The following PDS5B variants were observed in gnomAD, a reference collection of about 807,000 sequenced individuals.
PDS5B encodes sister chromatid cohesion protein PDS5 homolog B.
Under a neutral mutation model 184.1 loss-of-function variants are expected in PDS5B, and 51 were observed. The ratio of observed to expected loss-of-function variants is 0.28; its 90% CI spans 0.22 to 0.35. PDS5B has a LOEUF of 0.35. PDS5B is among the 10% of genes least tolerant of loss of function. PDS5B has a pLI of 1.00. For missense variants in PDS5B, 1,180 were observed against 1,723.3 expected (o/e 0.68, Z 5.58); for synonymous variants, 566 against 569.2 (o/e 0.99, Z 0.08).
At position 32,688,542 on chromosome 13, in the gene PDS5B, A is replaced by T; in HGVS notation, c.1442A>T (p.Tyr481Phe). The change falls in exon 13 of 35, where the codon TAT becomes TTT. Residue 481 changes from tyrosine to phenylalanine, a missense_variant. Coordinates refer to ENST00000315596, the MANE Select transcript of PDS5B (RefSeq NM_015032.4). ...CGGATGAAATGCTTATATTACTTGT[A>T]TGCCACACTGGATTTAAATGCTGTG... is the stretch of plus-strand genomic sequence containing the variant. ...TERMKCLYYL[Y>F]ATLDLNAVKA... 6.3e-7 allele frequency: 1 copy of T among 1,592,908 alleles called. No individual in the cohort carries two copies. The highest frequency in any genetic ancestry group is 8.6e-7 in the Non-Finnish European group (1 of 1,161,016).
Position 32,775,934 on chromosome 13 carries a change from G to A in PDS5B, c.*882G>A, listed in dbSNP as rs538463377. On this transcript the variant is annotated 3_prime_UTR_variant, in exon 35 of 35. Transcript: ENST00000315596. ...TTTTAATAGTCTAGAATGTTATTGTGTATAGATATTTCCTCTTGAACGTTA... is the reference window on the plus strand; with the variant it reads ...TTTTAATAGTCTAGAATGTTATTGTATATAGATATTTCCTCTTGAACGTTA... 1 of 217,000 alleles carries A rather than the reference G, an allele frequency of 4.6e-6. No individual in the cohort carries two copies. Among genetic ancestry groups the A allele is most frequent in the Non-Finnish European group, 9.5e-6 (1 of 105,808 alleles). The allele number at this position is 217,000 out of a possible 1,614,324, so 13.4% of individuals were successfully genotyped here.
intron 30 of PDS5B, among the ~76,000 whole-genome samples, chr13:32,762,637 C>T (rs1050866772): frequency 6.6e-6 from 1 of 152,096 alleles, no homozygotes; most frequent in South Asian, 2.1e-4. Context: ...ATCTAATTCA[C>T]CCAGGCAGAA....
At position 32,726,523 on chromosome 13, in the gene PDS5B, C is replaced by T. The variant is rs115723039; in HGVS notation, c.2124-5578C>T. The stretch of plus-strand genomic sequence containing the variant: ...ACTGTGTTCCTATCCATAATGGTTA[C>T]ACCACTTTGCATTCTCACTAGCAGT... On this transcript the variant is annotated intron_variant, in intron 19 of 34. Coordinates refer to ENST00000315596, the MANE Select transcript of PDS5B (RefSeq NM_015032.4). Among the ~76,000 whole-genome samples, 937 of 152,298 alleles carry T rather than the reference C, an allele frequency of 6.2e-3. 17 individuals carry two copies. The highest frequency in any genetic ancestry group is 0.022 in the African/African-American group (904 of 41,558).
intron 1 of PDS5B, among the ~76,000 whole-genome samples, chr13:32,591,176 T>A (rs1473472422): frequency 6.6e-6 from 1 of 152,094 alleles, no homozygotes; most frequent in African/African-American, 2.4e-5. Context: ...TTGCCCAGAC[T>A]GGAGTGCAGT....
At chr13:32,586,859 C>T (rs1380831920) in intron 1 of PDS5B, among the ~76,000 whole-genome samples, 8 of 131,540 alleles carry the variant, frequency 6.1e-5, no homozygotes, top group African/African-American at 2.2e-4. Flanking sequence ...CGCGCCTCCA[C>T]GCCGCGGGTT....
chr13:32,614,131 C>G (rs2140516826), intron 1 of PDS5B, among the ~76,000 whole-genome samples: 1 of 152,078 alleles, frequency 6.6e-6, no homozygotes, highest in Non-Finnish European at 1.5e-5. Flanking sequence ...GTTAATGTAG[C>G]TTTGGGGTAA....
chr13:32,592,622 G>A (rs1286135611), intron 1 of PDS5B, among the ~76,000 whole-genome samples: 2 of 152,040 alleles, frequency 1.3e-5, no homozygotes, highest in Non-Finnish European at 2.9e-5. Flanking sequence ...TTCAGCTTTC[G>A]ACTCTCCTAG....
Position 32,775,369 on chromosome 13 carries a change from CG to C in PDS5B, c.*319del. Reference sequence around the variant, plus strand: ...GAAGTGCTTGTATAGCTTTTATCTGCGGCTTTAAACTGACAGTACCCGACTG... The same window carrying C: ...GAAGTGCTTGTATAGCTTTTATCTGCGCTTTAAACTGACAGTACCCGACTG... On this transcript the variant is annotated 3_prime_UTR_variant, in exon 35 of 35. Coordinates refer to ENST00000315596, the MANE Select transcript of PDS5B (RefSeq NM_015032.4). 3.0e-6 allele frequency: 1 copy of C among 333,148 alleles called. No individual in the cohort carries two copies. Among genetic ancestry groups the C allele is most frequent in the Non-Finnish European group, 5.6e-6 (1 of 178,664 alleles). 20.6% of individuals were successfully genotyped at this position (333,148 alleles called of 1,614,324 possible). A position where few individuals can be genotyped will look rare whatever the true frequency, so the allele number is the denominator to read the frequency against.
chr13:32,719,630 GTCTC>G (rs1181655190), intron 19 of PDS5B, among the ~76,000 whole-genome samples: 1 of 152,138 alleles, frequency 6.6e-6, no homozygotes, highest in South Asian at 2.1e-4. Flanking sequence ...GACAGGCTAA[GTCTC>G]TCTGCCCTTT....
chr13:32,695,290 C>CT (rs935234491), intron 14 of PDS5B, among the ~76,000 whole-genome samples: 5 of 151,740 alleles, frequency 3.3e-5, no homozygotes, highest in Admixed American at 1.3e-4. Context: ...TGAACATAAC[C>CT]TTTTTTCTGT....
intron 1 of PDS5B, among the ~76,000 whole-genome samples, chr13:32,609,741 TC>T (rs1436247620): frequency 5.9e-5 from 9 of 152,314 alleles, no homozygotes; most frequent in African/African-American, 1.9e-4. Context: ...AGTTCTGTAA[TC>T]TTCATCTTTT....
At chr13:32,647,715 G>C (rs569888729) in intron 1 of PDS5B, among the ~76,000 whole-genome samples, 5 of 151,718 alleles carry the variant, frequency 3.3e-5, no homozygotes, top group Non-Finnish European at 5.9e-5. Context: ...TTTGTTTCCT[G>C]TAGATATTTT....
intron 1 of PDS5B, among the ~76,000 whole-genome samples, chr13:32,597,278 A>T (rs560917451): frequency 6.6e-6 from 1 of 151,776 alleles, no homozygotes; most frequent in South Asian, 2.1e-4. Context: ...CCTAGGCTCA[A>T]GTGATCTTCC....
At chr13:32,715,282 A>G (rs1952341756) in intron 19 of PDS5B, among the ~76,000 whole-genome samples, 1 of 152,204 alleles carries the variant, frequency 6.6e-6, no homozygotes, top group African/African-American at 2.4e-5. Flanking sequence ...GGGCAAATGA[A>G]GGATATTCTT....
At position 32,623,962 on chromosome 13, in the gene PDS5B, C is replaced by T. The variant is rs564029083; in HGVS notation, c.-19-24792C>T. On this transcript the variant is annotated intron_variant, in intron 1 of 34. Coordinates refer to ENST00000315596, the MANE Select transcript of PDS5B (RefSeq NM_015032.4). ...GAGTAGCTGGGAAGACAGGCGTGTG[C>T]CACCACGCCCAGCTAATTTTTGTAT... 1.1e-4 allele frequency among the ~76,000 whole-genome samples: 17 copies of T among 152,158 alleles called. No homozygotes were observed. The South Asian group carries it at 3.5e-3, about 32-fold the overall frequency.
In PDS5B at chr13:32,770,584, G is replaced by A. The variant is rs578011688; in HGVS notation, c.4064+24G>A. 3.4e-5 allele frequency: 55 copies of A among 1,600,864 alleles called. 1 individual carries two copies. The South Asian group carries it at 5.1e-4, about 15-fold the overall frequency. Reference sequence around the variant, plus strand: ...AGGTAAGCATGTGTAACTCTAAACTGCATCTGTTTCGTTACTATATTATAA... The same window carrying A: ...AGGTAAGCATGTGTAACTCTAAACTACATCTGTTTCGTTACTATATTATAA... On this transcript the variant is annotated intron_variant, in intron 32 of 34. Transcript: ENST00000315596.
intron 21 of PDS5B, among the ~76,000 whole-genome samples, chr13:32,740,792 T>G (rs764131500): frequency 6.6e-6 from 1 of 152,020 alleles, no homozygotes; most frequent in Non-Finnish European, 1.5e-5. Flanking sequence ...CAAAAGGGGC[T>G]AAATAAGGGA....
At position 32,655,376 on chromosome 13, in the gene PDS5B, T is replaced by TATA. The variant is rs1566290689; in HGVS notation, c.313-2863_313-2862insATA. 2.9e-3 allele frequency among the ~76,000 whole-genome samples: 182 copies of TATA among 63,374 alleles called. 4 individuals carry two copies. In the East Asian group the frequency reaches 0.075, roughly 26 times the overall value. 41.6% of individuals were successfully genotyped at this position (63,374 alleles called of 152,430 possible). A position where few individuals can be genotyped will look rare whatever the true frequency, so the allele number is the denominator to read the frequency against. On this transcript the variant is annotated intron_variant, in intron 3 of 34. Transcript: ENST00000315596. ...TTCTTTGCCATATATATATATATATTTTTTTTTTTTTTTTTTTTTTTAGAT... is the reference window on the plus strand; with the variant it reads ...TTCTTTGCCATATATATATATATATTATATTTTTTTTTTTTTTTTTTTTTAGAT...
chr13:32,710,483 G>A (rs1050943979), intron 19 of PDS5B, among the ~76,000 whole-genome samples: 5 of 152,168 alleles, frequency 3.3e-5, no homozygotes, highest in Non-Finnish European at 5.9e-5. Flanking sequence ...AAAAAAGTCG[G>A]AAGCAGTGCT....
Sources: gnomAD v4.1 joint callset for allele counts (sites outside exome capture counted in the v4.1 genomes callset) on GRCh38, gnomAD v4.1.1 for gene constraint, MANE v1.5 for transcripts, NCBI Gene and HGNC (gene_info 2026-07-23, HGNC 2026-07-21) for gene names.